RHPN2: variants seen among roughly 807,000 people sequenced by gnomAD.
RHPN2 encodes rhophilin-2.
A neutral mutation model predicts 79.0 loss-of-function variants in RHPN2; 40 were observed. That is an observed-to-expected ratio of 0.51 (90% confidence interval 0.39 to 0.66). RHPN2 has a LOEUF of 0.66. Among genes scored for constraint, RHPN2 ranks in the 30% least tolerant of loss-of-function variants. RHPN2 has a pLI of 0.00. For synonymous variants in RHPN2, 285 were observed against 363.5 expected, an observed-to-expected ratio of 0.78 and a Z score of 2.46; for missense variants, 686 against 883.5, an observed-to-expected ratio of 0.78 and a Z score of 2.83.
At chr19:33,029,884 A>T (rs1291237178) in intron 2 of RHPN2, among the ~76,000 whole-genome samples, 1 of 152,122 alleles carries the variant, frequency 6.6e-6, no homozygotes, top group Non-Finnish European at 1.5e-5. Flanking sequence ...ACCGTGCTTA[A>T]CTCCCCCAGC....
intron 1 of RHPN2, 29 bp downstream of exon 1, chr19:33,064,755 T>TGG: frequency 1.2e-3 from 1,775 of 1,424,908 alleles, no homozygotes; most frequent in Non-Finnish European, 1.5e-3. Context: ...AGCCCGCAGG[T>TGG]CCCCGCCCGC....
chr19:33,056,781 C>G (rs148890997), intron 1 of RHPN2, among the ~76,000 whole-genome samples: 1 of 152,056 alleles, frequency 6.6e-6, no homozygotes, highest in South Asian at 2.1e-4. Flanking sequence ...GCCTGTAATC[C>G]GAGCACTGTG....
intron 12 of RHPN2, among the ~76,000 whole-genome samples, chr19:32,993,516 C>T (rs1971677426): frequency 2.0e-5 from 3 of 152,086 alleles, no homozygotes; most frequent in East Asian, 3.9e-4. Context: ...ATAAAATATG[C>T]TATGGTCTGA....
At chr19:33,060,633 G>A (rs777173567) in intron 1 of RHPN2, among the ~76,000 whole-genome samples, 10 of 151,992 alleles carry the variant, frequency 6.6e-5, no homozygotes, top group African/African-American at 1.4e-4. Context: ...CGTGGGCTCC[G>A]GATATCCTCC....
intron 2 of RHPN2, among the ~76,000 whole-genome samples, chr19:33,038,995 T>G (rs1483734158): frequency 6.6e-6 from 1 of 152,150 alleles, no homozygotes; most frequent in Non-Finnish European, 1.5e-5. Flanking sequence ...ATGTGTATGT[T>G]GCATTCTGTC....
At chr19:33,001,881 G>A (rs1023587418) in intron 9 of RHPN2, among the ~76,000 whole-genome samples, 1 of 152,204 alleles carries the variant, frequency 6.6e-6, no homozygotes, top group Non-Finnish European at 1.5e-5. Context: ...TGAGATTACA[G>A]GCATGAGCCA....
chr19:32,996,348 G>C, intron 10 of RHPN2, 128 bp from the exon 11 acceptor site: 1 of 855,396 alleles, frequency 1.2e-6, no homozygotes, highest in East Asian at 2.6e-5. Context: ...TAGAGCCTGT[G>C]ATACCCTACC....
intron 1 of RHPN2, among the ~76,000 whole-genome samples, chr19:33,053,980 C>T (rs1207039404): frequency 6.6e-6 from 1 of 152,106 alleles, no homozygotes; most frequent in Non-Finnish European, 1.5e-5. Context: ...CCACCTCAGC[C>T]TCCCGAGAAG....
chr19:32,990,815 A>G, intron 13 of RHPN2, 146 bp from the exon 14 acceptor site: 1 of 789,774 alleles, frequency 1.3e-6, no homozygotes, highest in South Asian at 1.6e-5. Flanking sequence ...AGATCACTTG[A>G]GGTCAGTAGT....
intron 1 of RHPN2, among the ~76,000 whole-genome samples, chr19:33,063,530 TCAA>T (rs1161570943): frequency 6.6e-6 from 1 of 152,148 alleles, no homozygotes; most frequent in African/African-American, 2.4e-5. Context: ...AAAACGAAAA[TCAA>T]CAACAATCTC....
intron 1 of RHPN2, among the ~76,000 whole-genome samples, chr19:33,049,019 G>A (rs571834395): frequency 3.3e-5 from 5 of 152,018 alleles, no homozygotes; most frequent in South Asian, 4.2e-4. Context: ...GAATCAGTAC[G>A]CCCTAACCAG....
chr19:33,039,969 C>A (rs560622676), intron 2 of RHPN2, among the ~76,000 whole-genome samples: 2 of 152,014 alleles, frequency 1.3e-5, no homozygotes, highest in Admixed American at 1.3e-4. Context: ...ACTGCAGTTG[C>A]CTCATCCAGA....
intron 1 of RHPN2, among the ~76,000 whole-genome samples, chr19:33,044,842 C>T (rs1036960877): frequency 1.3e-5 from 2 of 152,060 alleles, no homozygotes; most frequent in East Asian, 1.9e-4. Flanking sequence ...TGCAGTGAGC[C>T]GAGATTATGC....
chr19:32,999,918 G>A (rs1401651239), intron 9 of RHPN2, among the ~76,000 whole-genome samples: 1 of 152,098 alleles, frequency 6.6e-6, no homozygotes, highest in Non-Finnish European at 1.5e-5. Flanking sequence ...TTACCAGGCT[G>A]GAGTGCAATG....
rs1242174137 is a variant in RHPN2 at position 33,061,133 on chromosome 19, A to G, written c.69+3651T>C. The stretch of plus-strand genomic sequence containing the variant: ...ACACCTCCACACCCTGGGGGGGCCT[A>G]CAAAGCACTCACAAGTCCACAGCTC... On this transcript the variant is annotated intron_variant, in intron 1 of 14. Coordinates refer to ENST00000254260, the MANE Select transcript of RHPN2 (RefSeq NM_033103.5). 2.6e-5 allele frequency among the ~76,000 whole-genome samples: 4 copies of G among 151,902 alleles called. No individual in the cohort carries two copies. The East Asian group carries it at 7.7e-4, about 29-fold the overall frequency.
rs1415693455 is a variant in RHPN2, at chr19:32,995,665, C to A, written c.1420+361G>T. ...CTTGAGGTCAGGAGTTCGAGACCAG[C>A]CTGGCCAACATGGTGAAACCCCATC... On this transcript the variant is annotated intron_variant, in intron 11 of 14. Transcript: ENST00000254260. Among the ~76,000 whole-genome samples, 5 of 152,196 alleles carry A rather than the reference C, an allele frequency of 3.3e-5. No homozygotes were observed. In the East Asian group the frequency reaches 9.8e-4, roughly 30 times the overall value.
At chr19:33,060,717 G>C (rs1308291362) in intron 1 of RHPN2, among the ~76,000 whole-genome samples, 1 of 152,120 alleles carries the variant, frequency 6.6e-6, no homozygotes, top group African/African-American at 2.4e-5. Flanking sequence ...ACTTCTTATA[G>C]AGATGGGGTC....
chr19:33,063,929 C>T (rs1167867811), intron 1 of RHPN2, among the ~76,000 whole-genome samples: 1 of 152,078 alleles, frequency 6.6e-6, no homozygotes, highest in East Asian at 1.9e-4. Flanking sequence ...GCGGTGCTCA[C>T]GCCCTCCTGG....
rs1971551939 is a variant in RHPN2, at chr19:32,978,898, A to C, written c.*1098T>G. The C allele has an allele frequency of 6.6e-6, 1 of 152,254 alleles. No individual in the cohort carries two copies. Among genetic ancestry groups the C allele is most frequent in the Non-Finnish European group, 1.5e-5 (1 of 68,042 alleles). The allele number at this position is 152,254 out of a possible 1,614,324, so 9.4% of individuals were successfully genotyped here. ...TGTGGTGGCTCATGCCTGTAATCCC[A>C]GCACTTTGGGAGGCTGAGGTGGGTG... On this transcript the variant is annotated 3_prime_UTR_variant, in exon 15 of 15. Coordinates refer to ENST00000254260, the MANE Select transcript of RHPN2 (RefSeq NM_033103.5).
Sources: allele counts gnomAD v4.1 joint callset (sites outside exome capture counted in the v4.1 genomes callset), GRCh38; gene constraint gnomAD v4.1.1; transcripts MANE v1.5; gene names NCBI Gene and HGNC (gene_info 2026-07-23, HGNC 2026-07-21).